The following RBFOX1 variants were observed in gnomAD, a reference collection of about 807,000 sequenced individuals.
RBFOX1 encodes RNA binding protein fox-1 homolog 1.
In RBFOX1, 8 loss-of-function variants were observed where a neutral mutation model predicts 57.7. The ratio of observed to expected loss-of-function variants is 0.14; its 90% CI spans 0.08 to 0.25. RBFOX1 has a LOEUF of 0.25. RBFOX1 is among the 10% of genes least tolerant of loss of function. RBFOX1 has a pLI of 1.00. For missense variants in RBFOX1, 611 were observed against 548.5 expected (o/e 1.11, Z -1.14); for synonymous variants, 326 against 222.4 (o/e 1.47, Z -4.15).
chr16:6,564,247 A>T (rs2097223582), intron 2 of RBFOX1, among the ~76,000 whole-genome samples: 1 of 152,198 alleles, frequency 6.6e-6, no homozygotes, highest in Non-Finnish European at 1.5e-5. Context: ...CAAGAGCATC[A>T]TGTACATATG....
At chr16:6,752,969 G>GA (rs1232032977) in intron 3 of RBFOX1, among the ~76,000 whole-genome samples, 1 of 152,034 alleles carries the variant, frequency 6.6e-6, no homozygotes, top group East Asian at 1.9e-4. Context: ...TTGCTATGGA[G>GA]AAGGGAAAAA....
intron 2 of RBFOX1, among the ~76,000 whole-genome samples, chr16:6,464,046 A>G (rs1159280900): frequency 6.6e-6 from 1 of 152,212 alleles, no homozygotes; most frequent in Non-Finnish European, 1.5e-5. Flanking sequence ...ATTAATGTGA[A>G]TCAAATTTTC....
Position 6,507,507 on chromosome 16 carries a change from CAAA to C in RBFOX1, c.-63-147080_-63-147078del, listed in dbSNP as rs57685233. Among the ~76,000 whole-genome samples the C allele has an allele frequency of 1.2e-3, 116 of 97,178 alleles. 2 individuals carry two copies. The East Asian group carries it at 0.017, about 15-fold the overall frequency. The allele number at this position is 97,178 out of a possible 152,430, so 63.8% of individuals were successfully genotyped here. On this transcript the variant is annotated intron_variant, in intron 2 of 15. Coordinates refer to ENST00000550418, the MANE Select transcript of RBFOX1 (RefSeq NM_018723.4). ...GCAACATAACAAGACCCTATCTGTA[CAAA>C]AAAAAAAAAAAAAAAGCCTGGCATA...
intron 1 of RBFOX1, among the ~76,000 whole-genome samples, chr16:5,444,655 T>C (rs990393620): frequency 6.6e-6 from 1 of 151,986 alleles, no homozygotes; most frequent in African/African-American, 2.4e-5. Flanking sequence ...CTATACAGAA[T>C]GGCCAGAGGG....
intron 3 of RBFOX1, among the ~76,000 whole-genome samples, chr16:6,750,707 G>A (rs1329439835): frequency 3.3e-5 from 5 of 152,130 alleles, no homozygotes; most frequent in African/African-American, 9.7e-5. Context: ...TTCATTATTC[G>A]TCATTTATTG....
chr16:7,613,205 TAAAG>T (rs1425644003), intron 10 of RBFOX1, among the ~76,000 whole-genome samples: 5 of 152,108 alleles, frequency 3.3e-5, no homozygotes, highest in African/African-American at 1.2e-4. Context: ...TTGGGGGGAA[TAAAG>T]AGATTCTGAA....
intron 3 of RBFOX1, among the ~76,000 whole-genome samples, chr16:6,697,248 G>T (rs1417476335): frequency 6.6e-6 from 1 of 152,096 alleles, no homozygotes; most frequent in African/African-American, 2.4e-5. Context: ...AGTGGACCAG[G>T]TTTTTAAATT....
At chr16:7,566,854 A>G (rs7190647) in intron 5 of RBFOX1, among the ~76,000 whole-genome samples, 24,106 of 151,962 alleles carry the variant, frequency 0.16, 2,274 homozygotes, top group African/African-American at 0.26. Context: ...ACTTTCTGAA[A>G]TCGTATGCAA....
At position 6,629,507 on chromosome 16, in the gene RBFOX1, T is replaced by C. The variant is rs376082318; in HGVS notation, c.-63-25096T>C. ...ATCAGCTGTCTTCATTTACAAAAAA[T>C]GGGTTATACTTTCATCTTTTGACCC... On this transcript the variant is annotated intron_variant, in intron 2 of 15. Transcript: ENST00000550418. 1.8e-4 allele frequency among the ~76,000 whole-genome samples: 27 copies of C among 152,312 alleles called. No individual in the cohort carries two copies. The East Asian group carries it at 4.8e-3, about 27-fold the overall frequency.
intron 3 of RBFOX1, among the ~76,000 whole-genome samples, chr16:6,906,368 T>C (rs180848661): frequency 1.1e-4 from 17 of 152,140 alleles, no homozygotes; most frequent in Admixed American, 1.0e-3. Context: ...AACTCGGTAA[T>C]AACACCGAAA....
intron 4 of RBFOX1, among the ~76,000 whole-genome samples, chr16:5,919,379 G>A (rs185124011): frequency 1.3e-5 from 2 of 152,234 alleles, no homozygotes; most frequent in East Asian, 1.9e-4. Context: ...TTTTGTTCTT[G>A]TTTCCTAGGC....
At chr16:5,918,279 C>G (rs965962290) in intron 4 of RBFOX1, among the ~76,000 whole-genome samples, 4 of 152,162 alleles carry the variant, frequency 2.6e-5, no homozygotes, top group African/African-American at 9.7e-5. Context: ...GCCACCATGC[C>G]TGGCTAATTT....
At chr16:6,808,178 G>GTGTGTGTGTATA (rs1318609964) in intron 3 of RBFOX1, among the ~76,000 whole-genome samples, 8 of 145,540 alleles carry the variant, frequency 5.5e-5, no homozygotes, top group African/African-American at 1.8e-4. Flanking sequence ...GTGTGTGTGT[G>GTGTGTGTGTATA]TATATATATA....
intron 3 of RBFOX1, among the ~76,000 whole-genome samples, chr16:6,838,897 C>T (rs1486353018): frequency 1.3e-5 from 2 of 151,804 alleles, no homozygotes; most frequent in Non-Finnish European, 2.9e-5. Flanking sequence ...AAGGATTCTT[C>T]ATTATTAAAT....
intron 2 of RBFOX1, among the ~76,000 whole-genome samples, chr16:5,592,982 C>T (rs1167123320): frequency 1.3e-5 from 2 of 152,126 alleles, no homozygotes; most frequent in Non-Finnish European, 2.9e-5. Context: ...GAGCTGTGTT[C>T]CCAGATGGTT....
rs1015506014 is a variant in RBFOX1 at position 7,228,470 on chromosome 16, T to C, written c.27+176372T>C. Among the ~76,000 whole-genome samples the C allele has an allele frequency of 2.3e-4, 35 of 152,216 alleles. 1 individual carries two copies. The highest frequency in any genetic ancestry group is 7.5e-4 in the African/African-American group (31 of 41,456). Reference sequence around the variant, plus strand: ...CTACTATGTGGCTATTCTAAATAGGTGTTCTCATTGAACTTGGTTTTCTCA... The same window carrying C: ...CTACTATGTGGCTATTCTAAATAGGCGTTCTCATTGAACTTGGTTTTCTCA... On this transcript the variant is annotated intron_variant, in intron 4 of 15. Coordinates refer to ENST00000550418, the MANE Select transcript of RBFOX1 (RefSeq NM_018723.4).
chr16:6,404,789 C>G (rs1040143719), intron 2 of RBFOX1, among the ~76,000 whole-genome samples: 2 of 152,142 alleles, frequency 1.3e-5, no homozygotes, highest in Non-Finnish European at 2.9e-5. Flanking sequence ...AAGAGCAGAT[C>G]TCATCAGAAT....
chr16:7,125,065 G>A (rs555804445), intron 4 of RBFOX1, among the ~76,000 whole-genome samples: 1 of 152,128 alleles, frequency 6.6e-6, no homozygotes, highest in Non-Finnish European at 1.5e-5. Context: ...TGGATGAAGA[G>A]AGCACTCTGT....
intron 2 of RBFOX1, among the ~76,000 whole-genome samples, chr16:5,592,574 G>A (rs2047045481): frequency 6.6e-6 from 1 of 152,072 alleles, no homozygotes; most frequent in South Asian, 2.1e-4. Context: ...CCACCACCAT[G>A]CCTGGCTAAT....
Sources: allele counts gnomAD v4.1 joint callset (sites outside exome capture counted in the v4.1 genomes callset), GRCh38; gene constraint gnomAD v4.1.1; transcripts MANE v1.5; gene names NCBI Gene and HGNC (gene_info 2026-07-23, HGNC 2026-07-21).